Variants in KIF21A observed in about 807,000 individuals in gnomAD.
KIF21A encodes kinesin family member 21A, also known as kinesin-like protein KIF21A.
A neutral mutation model predicts 202.9 loss-of-function variants in KIF21A; 114 were observed. The ratio of observed to expected loss-of-function variants is 0.56; its 90% confidence interval spans 0.48 to 0.66. The LOEUF (loss-of-function observed/expected upper bound fraction) is 0.66. KIF21A is among the 30% of genes least tolerant of loss of function. The pLI is 0.00. For missense variants in KIF21A, 1,677 were observed against 1,994.9 expected (o/e 0.84, Z 3.04); for synonymous variants, 667 against 670.8 (o/e 0.99, Z 0.09).
chr12:39,410,015 C>T (rs142364539), intron 1 of KIF21A, among the ~76,000 whole-genome samples: 1,664 of 152,056 alleles, frequency 0.011, 39 homozygotes, highest in African/African-American at 0.036. Context: ...TATTTTTATA[C>T]AGACAAGGTT....
intron 1 of KIF21A, among the ~76,000 whole-genome samples, chr12:39,428,863 C>CA (rs1954965361): frequency 6.6e-6 from 1 of 150,646 alleles, no homozygotes; most frequent in African/African-American, 2.4e-5. Flanking sequence ...GAGGCTGAGG[C>CA]AGGAGAATCA....
rs566444163 is a variant in KIF21A at position 39,435,505 on chromosome 12, T to C, written c.44+7422A>G. On this transcript the variant is annotated intron_variant, in intron 1 of 37. Transcript: ENST00000361418. ...ATGCTTTTGGGGTGACAGGCCTCCA[T>C]TACAATCAAAATGTACTCTGTATTT... Among the ~76,000 whole-genome samples, 6 of 152,264 alleles carry C rather than the reference T, an allele frequency of 3.9e-5. No individual in the cohort carries two copies. In the South Asian group the frequency reaches 1.2e-3, roughly 32 times the overall value.
At chr12:39,429,838 G>A (rs1955043296) in intron 1 of KIF21A, among the ~76,000 whole-genome samples, 1 of 151,796 alleles carries the variant, frequency 6.6e-6, no homozygotes, top group African/African-American at 2.4e-5. Context: ...GAGGAAAACA[G>A]CAGATAGAAG....
At chr12:39,297,119 G>A (rs1344105414) in intron 37 of KIF21A, among the ~76,000 whole-genome samples, 2 of 152,122 alleles carry the variant, frequency 1.3e-5, no homozygotes, top group African/African-American at 4.8e-5. Context: ...AAGAAGGGGA[G>A]GAATGAAAGG....
At position 39,370,116 on chromosome 12, in the gene KIF21A, T is replaced by A. The variant is rs1196914694; in HGVS notation, c.190A>T (p.Ile64Phe). The change falls in exon 2 of 38, where the codon ATC (isoleucine) becomes TTC (phenylalanine). Residue 64 changes from isoleucine to phenylalanine, a missense_variant. Around this residue, in one of 3 missense-constraint regions of KIF21A, gnomAD observed 966 missense variants for 1,180.9 expected, o/e 0.82. Transcript: ENST00000361418. ...VFDIDSQQEQIYIQCIEKLIE... is the reference protein window; with the variant it reads ...VFDIDSQQEQFYIQCIEKLIE... ...AGTTTTTCTATACATTGAATGTAGA[T>A]CTGCTCTTGCTGGGAGTCAATGTCA... The A allele has an allele frequency of 6.2e-7, 1 of 1,613,606 alleles. No individual in the cohort carries two copies. Among genetic ancestry groups the A allele is most frequent in the Non-Finnish European group, 8.5e-7 (1 of 1,179,756 alleles).
At chr12:39,353,849 T>C (rs1005466868) in intron 10 of KIF21A, among the ~76,000 whole-genome samples, 1 of 152,124 alleles carries the variant, frequency 6.6e-6, no homozygotes, top group Non-Finnish European at 1.5e-5. Context: ...AGAACATCTC[T>C]CTTTCCCCAT....
chr12:39,342,211 T>C, intron 12 of KIF21A, 87 bp from the exon 13 acceptor site: 3 of 932,088 alleles, frequency 3.2e-6, no homozygotes, highest in Non-Finnish European at 5.2e-6. Context: ...AAGCCATCAA[T>C]GATTTGTGAA....
intron 1 of KIF21A, among the ~76,000 whole-genome samples, chr12:39,437,122 A>C (rs1938914061): frequency 6.6e-6 from 1 of 152,178 alleles, no homozygotes; most frequent in Non-Finnish European, 1.5e-5. Flanking sequence ...ATTTGAGGAG[A>C]AATTGATGAG....
chr12:39,426,497 C>T (rs1954762106), intron 1 of KIF21A, among the ~76,000 whole-genome samples: 1 of 152,014 alleles, frequency 6.6e-6, no homozygotes, highest in Non-Finnish European at 1.5e-5. Flanking sequence ...AGCAAATAAA[C>T]CAAGGAGGCT....
At chr12:39,305,048 T>C (rs1280207359) in intron 34 of KIF21A, 110 bp from the exon 35 acceptor site, 3 of 679,970 alleles carry the variant, frequency 4.4e-6, no homozygotes, top group Non-Finnish European at 7.9e-6. Flanking sequence ...CACTAACTTT[T>C]TTTTTTCTTT....
chr12:39,340,834 C>T (rs1254302156), intron 15 of KIF21A, 72 bp downstream of exon 15: 12 of 1,099,480 alleles, frequency 1.1e-5, no homozygotes, highest in Admixed American at 8.3e-5. Context: ...TTTTTTTCTT[C>T]TAAAGGAAAA....
chr12:39,409,851 A>G (rs1021955336), intron 1 of KIF21A, among the ~76,000 whole-genome samples: 1 of 144,304 alleles, frequency 6.9e-6, no homozygotes, highest in Admixed American at 7.0e-5. Flanking sequence ...TTTTTTTTTT[A>G]GACAGAGTCT....
intron 8 of KIF21A, 29 bp from the exon 9 acceptor site, chr12:39,357,466 G>T: frequency 1.9e-6 from 3 of 1,575,928 alleles, no homozygotes; most frequent in Non-Finnish European, 1.7e-6. Flanking sequence ...GTCCTTGTTG[G>T]TTGAGGAGCC....
At chr12:39,383,062 G>A (rs1280745625) in intron 1 of KIF21A, among the ~76,000 whole-genome samples, 1 of 152,090 alleles carries the variant, frequency 6.6e-6, no homozygotes, top group Non-Finnish European at 1.5e-5. Context: ...TTAGCAAGTG[G>A]GCAAGAGCAG....
intron 16 of KIF21A, among the ~76,000 whole-genome samples, chr12:39,339,222 C>T (rs951038614): frequency 1.5e-5 from 2 of 132,812 alleles, no homozygotes; most frequent in Non-Finnish European, 1.5e-5. Flanking sequence ...GGCAACAGAG[C>T]GAGACTCCCT....
At chr12:39,356,923 T>C in intron 9 of KIF21A, 28 bp from the exon 10 acceptor site, 1 of 1,107,288 alleles carries the variant, frequency 9.0e-7, no homozygotes. Flanking sequence ...AAATAAAAAT[T>C]TTCCTTTAAA....
At chr12:39,297,128 G>A (rs970796501) in intron 37 of KIF21A, among the ~76,000 whole-genome samples, 2 of 152,170 alleles carry the variant, frequency 1.3e-5, no homozygotes, top group Non-Finnish European at 2.9e-5. Flanking sequence ...AGGAATGAAA[G>A]GTTCTGTCCC....
At chr12:39,424,816 G>A (rs1490132263) in intron 1 of KIF21A, among the ~76,000 whole-genome samples, 4 of 151,776 alleles carry the variant, frequency 2.6e-5, no homozygotes, top group African/African-American at 9.7e-5. Context: ...TTATAATACA[G>A]TCCACCTTGT....
intron 1 of KIF21A, among the ~76,000 whole-genome samples, chr12:39,436,993 A>G (rs924755882): frequency 6.6e-6 from 1 of 152,216 alleles, no homozygotes; most frequent in African/African-American, 2.4e-5. Flanking sequence ...AACTCAGATT[A>G]TGTCAGGCCA....
Sources: allele counts gnomAD v4.1 joint callset (sites outside exome capture counted in the v4.1 genomes callset), GRCh38; gene constraint gnomAD v4.1.1; regional missense constraint gnomAD v4.1.1; transcripts MANE v1.5; gene names NCBI Gene and HGNC (gene_info 2026-07-23, HGNC 2026-07-21).